Variants in DLG2 observed in about 807,000 individuals in gnomAD.
DLG2 encodes discs large MAGUK scaffold protein 2, also known as disks large homolog 2.
Under a neutral mutation model 132.5 loss-of-function variants are expected in DLG2, and 45 were observed. The ratio of observed to expected loss-of-function variants is 0.34; its 90% CI spans 0.27 to 0.44. The LOEUF (loss-of-function observed/expected upper bound fraction) is 0.44, where lower values mean the gene tolerates loss of function less well. Ranked by LOEUF, DLG2 falls within the 20% of genes least tolerant of loss-of-function variation. The probability of loss-of-function intolerance (pLI) is 1.00; values close to 1 mark genes in which losing one functional copy is unlikely to be tolerated. For missense variants in DLG2, 1,045 were observed against 1,196.9 expected (o/e 0.87, Z 1.87); for synonymous variants, 424 against 419.6 (o/e 1.01, Z -0.13).
chr11:84,947,811 T>C (rs951355451), intron 6 of DLG2, among the ~76,000 whole-genome samples: 5 of 152,242 alleles, frequency 3.3e-5, no homozygotes, highest in African/African-American at 4.8e-5. Flanking sequence ...GTGTAATTAA[T>C]AGTATGCTCT....
intron 7 of DLG2, among the ~76,000 whole-genome samples, chr11:84,486,522 T>C (rs1167979207): frequency 6.6e-6 from 1 of 152,126 alleles, no homozygotes; most frequent in Non-Finnish European, 1.5e-5. Context: ...GTGAACCACA[T>C]ATTAATTATT....
chr11:83,644,549 G>A (rs1420870432), intron 18 of DLG2, among the ~76,000 whole-genome samples: 1 of 152,008 alleles, frequency 6.6e-6, no homozygotes, highest in Non-Finnish European at 1.5e-5. Flanking sequence ...TGCTAAATGT[G>A]TTCCTATTTA....
At chr11:83,877,128 C>T in intron 15 of DLG2, among the ~76,000 whole-genome samples, 1 of 151,982 alleles carries the variant, frequency 6.6e-6, no homozygotes, top group Non-Finnish European at 1.5e-5. Context: ...CATTTTATTG[C>T]CTCTAAAAAT....
intron 16 of DLG2, among the ~76,000 whole-genome samples, chr11:83,867,593 AT>A (rs1341373742): frequency 1.3e-5 from 2 of 152,108 alleles, no homozygotes. Context: ...GAAAATCTAG[AT>A]TTTCTATGTC....
intron 3 of DLG2, among the ~76,000 whole-genome samples, chr11:85,487,136 T>C (rs980759816): frequency 6.6e-6 from 1 of 150,648 alleles, no homozygotes; most frequent in Non-Finnish European, 1.5e-5. Context: ...ATACAAGATA[T>C]ATATATATCT....
intron 8 of DLG2, among the ~76,000 whole-genome samples, chr11:84,174,036 T>C (rs1012233207): frequency 3.8e-5 from 5 of 130,092 alleles, no homozygotes; most frequent in African/African-American, 1.5e-4. Flanking sequence ...TTTTTTTTTT[T>C]CTGAGTAAAC....
chr11:85,535,179 T>G (rs2075495887), intron 3 of DLG2, among the ~76,000 whole-genome samples: 1 of 152,168 alleles, frequency 6.6e-6, no homozygotes, highest in Non-Finnish European at 1.5e-5. Flanking sequence ...TAGGGAGATT[T>G]GTAGACCATG....
intron 3 of DLG2, among the ~76,000 whole-genome samples, chr11:85,512,818 G>A (rs753703991): frequency 1.2e-4 from 18 of 151,972 alleles, no homozygotes; most frequent in Non-Finnish European, 1.6e-4. Context: ...ATTATCATTC[G>A]ACCCAGCAAT....
At position 84,676,347 on chromosome 11, in the gene DLG2, T is replaced by C. The variant is rs117844521; in HGVS notation, c.358-141616A>G. Among the ~76,000 whole-genome samples, 1,073 of 152,204 alleles carry C rather than the reference T, an allele frequency of 7.0e-3. 2 individuals carry two copies. The highest frequency in any genetic ancestry group is 0.011 in the Non-Finnish European group (761 of 67,998). ...TTCTTTTTCCCCTTTACTTTGGCTTTTAAGAGAACCTATGTTTCCAATGAT... is the reference window on the plus strand; with the variant it reads ...TTCTTTTTCCCCTTTACTTTGGCTTCTAAGAGAACCTATGTTTCCAATGAT... On this transcript the variant is annotated intron_variant, in intron 6 of 27. Coordinates refer to ENST00000376104, the MANE Select transcript of DLG2 (RefSeq NM_001142699.3).
intron 18 of DLG2, chr11:83,652,117 G>A: frequency 3.5e-6 from 1 of 288,448 alleles, no homozygotes; most frequent in Admixed American, 4.1e-5. Context: ...AAAAGGTTTT[G>A]TAAGTGATGT....
intron 7 of DLG2, among the ~76,000 whole-genome samples, chr11:84,314,967 A>C (rs2098339338): frequency 6.6e-6 from 1 of 152,168 alleles, no homozygotes; most frequent in Non-Finnish European, 1.5e-5. Context: ...AAAACATTGA[A>C]AATCCTAAAA....
intron 6 of DLG2, among the ~76,000 whole-genome samples, chr11:84,649,224 T>G (rs1274367379): frequency 6.6e-6 from 1 of 152,170 alleles, no homozygotes; most frequent in African/African-American, 2.4e-5. Flanking sequence ...ATATGACCAT[T>G]AAGGATTCTC....
intron 6 of DLG2, among the ~76,000 whole-genome samples, chr11:84,811,163 T>C (rs530419698): frequency 6.6e-6 from 1 of 152,182 alleles, no homozygotes; most frequent in Non-Finnish European, 1.5e-5. Flanking sequence ...ACTAAAGTGA[T>C]GACTTAAATA....
At chr11:85,418,427 G>C (rs1371097961) in intron 3 of DLG2, among the ~76,000 whole-genome samples, 1 of 152,172 alleles carries the variant, frequency 6.6e-6, no homozygotes, top group Non-Finnish European at 1.5e-5. Context: ...TGTTGATTTG[G>C]GGTGGAGAGT....
intron 4 of DLG2, among the ~76,000 whole-genome samples, chr11:85,255,328 T>C (rs17208150): frequency 0.043 from 6,478 of 152,280 alleles, 183 homozygotes; most frequent in East Asian, 0.093. Flanking sequence ...AAATCTTATA[T>C]ACAAAGGATA....
intron 3 of DLG2, among the ~76,000 whole-genome samples, chr11:85,346,700 C>T (rs758705008): frequency 1.6e-4 from 24 of 152,130 alleles, no homozygotes; most frequent in Non-Finnish European, 1.5e-4. Flanking sequence ...GTCCTAGCCT[C>T]ATTTTCCTAG....
chr11:84,414,630 T>C (rs1306655923), intron 7 of DLG2, among the ~76,000 whole-genome samples: 2 of 152,162 alleles, frequency 1.3e-5, no homozygotes, highest in African/African-American at 2.4e-5. Flanking sequence ...CATATTCAAA[T>C]GCAGTATATA....
chr11:84,855,573 C>G (rs1298591840), intron 6 of DLG2, among the ~76,000 whole-genome samples: 1 of 152,036 alleles, frequency 6.6e-6, no homozygotes, highest in Non-Finnish European at 1.5e-5. Context: ...AACATCTTCT[C>G]TCATTATTAA....
At chr11:84,863,212 C>A (rs185727741) in intron 6 of DLG2, among the ~76,000 whole-genome samples, 52 of 152,144 alleles carry the variant, frequency 3.4e-4, no homozygotes, top group Non-Finnish European at 6.0e-4. Context: ...TAAAAGCCTG[C>A]AGTCTAATGG....
Sources: allele counts gnomAD v4.1 joint callset (sites outside exome capture counted in the v4.1 genomes callset), GRCh38; gene constraint gnomAD v4.1.1; transcripts MANE v1.5; gene names NCBI Gene and HGNC (gene_info 2026-07-23, HGNC 2026-07-21).